GRB10: variants seen among roughly 807,000 people sequenced by gnomAD.
The protein encoded by GRB10 is growth factor receptor-bound protein 10.
GRB10 carries 20 observed loss-of-function variants against 80.9 expected under a neutral mutation model. The observed-to-expected ratio is 0.25, with a 90% CI of 0.17 to 0.36. The LOEUF (loss-of-function observed/expected upper bound fraction) is 0.36, where lower values mean the gene tolerates loss of function less well. Ranked by LOEUF, GRB10 falls within the 10% of genes least tolerant of loss-of-function variation. GRB10 has a pLI of 1.00. For synonymous variants in GRB10, 291 were observed against 291.5 expected (o/e 1.00, Z 0.02); for missense variants, 548 against 747.7 (o/e 0.73, Z 3.12).
intron 7 of GRB10, among the ~76,000 whole-genome samples, chr7:50,645,915 A>G (rs1028301135): frequency 1.3e-5 from 2 of 152,212 alleles, no homozygotes; most frequent in African/African-American, 2.4e-5. Flanking sequence ...CCCCCAAGTC[A>G]TATGCCTTCC....
At chr7:50,614,280 G>A (rs2050123476) in intron 12 of GRB10, among the ~76,000 whole-genome samples, 2 of 152,214 alleles carry the variant, frequency 1.3e-5, no homozygotes, top group Admixed American at 6.5e-5. Context: ...ATGTAGATGT[G>A]TGTGCACACG....
intron 5 of GRB10, among the ~76,000 whole-genome samples, chr7:50,692,008 T>G (rs2062871937): frequency 6.6e-6 from 1 of 152,220 alleles, no homozygotes; most frequent in African/African-American, 2.4e-5. Flanking sequence ...ATCCACAGAT[T>G]TAACCAATTG....
intron 4 of GRB10, among the ~76,000 whole-genome samples, chr7:50,713,487 TACCATCTCC>T (rs2066247835): frequency 6.9e-6 from 1 of 144,074 alleles, no homozygotes. Context: ...CCAACTCCTC[TACCATCTCC>T]ACCATCTCCT....
intron 7 of GRB10, among the ~76,000 whole-genome samples, chr7:50,663,879 C>T (rs1039944068): frequency 5.3e-5 from 8 of 152,354 alleles, no homozygotes; most frequent in African/African-American, 1.7e-4. Context: ...CAGGATGCCA[C>T]AGCCGAAACC....
chr7:50,673,806 G>A (rs948328153), intron 6 of GRB10, among the ~76,000 whole-genome samples: 2 of 152,074 alleles, frequency 1.3e-5, no homozygotes, highest in South Asian at 2.1e-4. Flanking sequence ...CTTCAGCACC[G>A]GCCCCCATCT....
chr7:50,670,525 C>CG (rs2060248284), intron 6 of GRB10, among the ~76,000 whole-genome samples: 1 of 127,810 alleles, frequency 7.8e-6, no homozygotes, highest in Non-Finnish European at 1.6e-5. Flanking sequence ...CATTAGGCAT[C>CG]GGGGGCGGGG....
At chr7:50,622,511 C>T (rs535389585) in intron 8 of GRB10, among the ~76,000 whole-genome samples, 6 of 152,308 alleles carry the variant, frequency 3.9e-5, no homozygotes, top group South Asian at 2.1e-4. Context: ...CTCAGGACAA[C>T]GGAATTCCTC....
chr7:50,624,644 G>C (rs1276234740), intron 8 of GRB10, among the ~76,000 whole-genome samples: 1 of 152,150 alleles, frequency 6.6e-6, no homozygotes, highest in Non-Finnish European at 1.5e-5. Context: ...GAAACTGGTA[G>C]CTCTAAAAAC....
intron 2 of GRB10, among the ~76,000 whole-genome samples, chr7:50,775,227 GA>G (rs2077501060): frequency 6.9e-6 from 1 of 144,502 alleles, no homozygotes. Flanking sequence ...ACAAAAGGGA[GA>G]AATAGGAAAG....
chr7:50,636,245 CT>C (rs2055002155), intron 7 of GRB10, among the ~76,000 whole-genome samples: 1 of 152,258 alleles, frequency 6.6e-6, no homozygotes, highest in East Asian at 1.9e-4. Flanking sequence ...TCCCAAAGTG[CT>C]GGGATTACAG....
chr7:50,630,002 T>C (rs1306817523), intron 7 of GRB10, among the ~76,000 whole-genome samples: 1 of 152,170 alleles, frequency 6.6e-6, no homozygotes, highest in Non-Finnish European at 1.5e-5. Context: ...GTTTAGGGAA[T>C]ATAAGAATCT....
At chr7:50,768,997 C>T (rs2076684907) in intron 2 of GRB10, among the ~76,000 whole-genome samples, 2 of 152,152 alleles carry the variant, frequency 1.3e-5, no homozygotes, top group African/African-American at 4.8e-5. Flanking sequence ...GAAAGCTACC[C>T]GGGACCACAG....
intron 1 of GRB10, among the ~76,000 whole-genome samples, chr7:50,791,051 T>C (rs1373902458): frequency 2.0e-5 from 3 of 152,200 alleles, no homozygotes; most frequent in Admixed American, 6.5e-5. Flanking sequence ...GTAGCTGGCA[T>C]GAACCTGCCC....
chr7:50,686,147 A>G (rs754043558), intron 5 of GRB10, among the ~76,000 whole-genome samples: 6 of 152,112 alleles, frequency 3.9e-5, no homozygotes, highest in Admixed American at 6.5e-5. Context: ...TCTACAGTGA[A>G]GGTATTAGGA....
chr7:50,716,035 G>A (rs1251969414), intron 4 of GRB10, among the ~76,000 whole-genome samples: 1 of 152,192 alleles, frequency 6.6e-6, no homozygotes, highest in African/African-American at 2.4e-5. Flanking sequence ...TCAAGGCAGA[G>A]AGGAGAGCGC....
chr7:50,660,191 G>A (rs1368742197), intron 7 of GRB10, among the ~76,000 whole-genome samples: 5 of 152,192 alleles, frequency 3.3e-5, no homozygotes, highest in Non-Finnish European at 7.3e-5. Context: ...GGAAGTAGGG[G>A]GTGCAGCCAT....
chr7:50,687,540 T>G (rs1281888875), intron 5 of GRB10, among the ~76,000 whole-genome samples: 1 of 152,182 alleles, frequency 6.6e-6, no homozygotes, highest in African/African-American at 2.4e-5. Context: ...GCTTCCCACA[T>G]AAGCCCAAGC....
intron 3 of GRB10, among the ~76,000 whole-genome samples, chr7:50,747,923 G>A (rs954523481): frequency 1.3e-5 from 2 of 152,056 alleles, no homozygotes; most frequent in South Asian, 2.1e-4. Context: ...ATTCTAGAAG[G>A]CAAGATGCAT....
intron 17 of GRB10, among the ~76,000 whole-genome samples, chr7:50,598,249 T>C (rs1358885004): frequency 1.3e-5 from 2 of 152,140 alleles, no homozygotes; most frequent in Non-Finnish European, 2.9e-5. Context: ...CAATACAAGG[T>C]AGCTTGAAAT....
Sources: gnomAD v4.1 joint callset for allele counts (sites outside exome capture counted in the v4.1 genomes callset) on GRCh38, gnomAD v4.1.1 for gene constraint, MANE v1.5 for transcripts, NCBI Gene and HGNC (gene_info 2026-07-23, HGNC 2026-07-21) for gene names.